The following FOXP2 variants were observed in gnomAD, a reference collection of about 807,000 sequenced individuals.
The protein encoded by FOXP2 is forkhead box protein P2.
In FOXP2, 12 loss-of-function variants were observed where a neutral mutation model predicts 115.8. That is an observed-to-expected ratio of 0.10 (90% CI 0.07 to 0.17). The LOEUF (loss-of-function observed/expected upper bound fraction) is 0.17. FOXP2 is among the 10% of genes least tolerant of loss of function. The pLI is 1.00. For synonymous variants in FOXP2, 328 were observed against 297.7 expected, an observed-to-expected ratio of 1.10 and a Z score of -1.05; for missense variants, 629 against 843.5, an observed-to-expected ratio of 0.75 and a Z score of 3.15.
chr7:114,189,270 G>T (rs554380561), intron 1 of FOXP2, among the ~76,000 whole-genome samples: 5 of 152,232 alleles, frequency 3.3e-5, no homozygotes, highest in Non-Finnish European at 7.4e-5. Flanking sequence ...AAAAATTTAT[G>T]ATGTGTATAG....
intron 2 of FOXP2, among the ~76,000 whole-genome samples, chr7:114,507,395 A>G (rs1036331297): frequency 1.3e-5 from 2 of 151,938 alleles, no homozygotes; most frequent in Non-Finnish European, 1.5e-5. Flanking sequence ...CCAGGATGCA[A>G]TTTCACTATT....
upstream of FOXP2, among the ~76,000 whole-genome samples, chr7:114,159,283 A>G (rs1333824963): frequency 1.3e-5 from 2 of 152,128 alleles, no homozygotes; most frequent in East Asian, 3.9e-4. Context: ...GAAGCAGAGA[A>G]GTTAAGCAAA....
chr7:114,639,861 G>A (rs1805427347), intron 6 of FOXP2, among the ~76,000 whole-genome samples: 3 of 152,148 alleles, frequency 2.0e-5, no homozygotes, highest in African/African-American at 7.2e-5. Context: ...TTCTGTTGTT[G>A]TTGTTGTTTT....
intron 2 of FOXP2, among the ~76,000 whole-genome samples, chr7:114,485,873 G>A (rs1242745276): frequency 6.6e-6 from 1 of 152,124 alleles, no homozygotes; most frequent in Non-Finnish European, 1.5e-5. Flanking sequence ...AAGCTAATAA[G>A]TGGTGGAGCT....
intron 1 of FOXP2, among the ~76,000 whole-genome samples, chr7:114,098,449 G>T (rs1207645595): frequency 6.6e-6 from 1 of 152,158 alleles, no homozygotes; most frequent in Non-Finnish European, 1.5e-5. Context: ...TTTTGGAAAG[G>T]ACACCAAGAG....
At chr7:114,624,816 TG>T (rs1804451804) in intron 3 of FOXP2, among the ~76,000 whole-genome samples, 1 of 151,590 alleles carries the variant, frequency 6.6e-6, no homozygotes, top group African/African-American at 2.4e-5. Context: ...AATGATGTGA[TG>T]GTTATATTTA....
At chr7:114,235,068 G>A (rs1794975441) in intron 1 of FOXP2, among the ~76,000 whole-genome samples, 1 of 151,446 alleles carries the variant, frequency 6.6e-6, no homozygotes, top group Non-Finnish European at 1.5e-5. Flanking sequence ...TGACGGGTGA[G>A]AAAGTATCCA....
At chr7:114,663,866 A>G (rs1416240251) in intron 15 of FOXP2, among the ~76,000 whole-genome samples, 1 of 152,098 alleles carries the variant, frequency 6.6e-6, no homozygotes, top group African/African-American at 2.4e-5. Context: ...TGTGGCAAAA[A>G]CTTTAAAGTT....
Position 114,577,730 on chromosome 7 carries a change from A to G in FOXP2, c.258+43024A>G, listed in dbSNP as rs1449990917. ...GATACAGAATTCTAGTTATAACGTT[A>G]TACTTCAGACTACATATGTTATATA... On this transcript the variant is annotated intron_variant, in intron 3 of 16. Coordinates refer to ENST00000350908, the MANE Select transcript of FOXP2 (RefSeq NM_014491.4). Among the ~76,000 whole-genome samples, 2 of 151,952 alleles carry G rather than the reference A, an allele frequency of 1.3e-5. 1 individual carries two copies. The highest frequency in any genetic ancestry group is 1.3e-4 in the Admixed American group (2 of 15,230).
At chr7:114,481,786 A>G (rs1312121992) in intron 2 of FOXP2, among the ~76,000 whole-genome samples, 1 of 150,536 alleles carries the variant, frequency 6.6e-6, no homozygotes, top group Non-Finnish European at 1.5e-5. Context: ...CTATCTATCT[A>G]TCTATCTATC....
intron 2 of FOXP2, among the ~76,000 whole-genome samples, chr7:114,449,712 G>A (rs1278560489): frequency 6.6e-6 from 1 of 151,898 alleles, no homozygotes; most frequent in African/African-American, 2.4e-5. Flanking sequence ...AGCTACCTAG[G>A]TTTAATTGGT....
chr7:114,450,869 T>G (rs1003298736), intron 2 of FOXP2, among the ~76,000 whole-genome samples: 1 of 152,098 alleles, frequency 6.6e-6, no homozygotes, highest in Non-Finnish European at 1.5e-5. Flanking sequence ...TATTAAATAA[T>G]TAAAATGTAT....
intron 2 of FOXP2, among the ~76,000 whole-genome samples, chr7:114,533,254 G>A (rs1346583762): frequency 6.6e-6 from 1 of 151,894 alleles, no homozygotes; most frequent in Non-Finnish European, 1.5e-5. Context: ...GTTTACTTTG[G>A]TTTCTATGTC....
intron 2 of FOXP2, chr7:114,463,004 A>G (rs1306123838): frequency 5.0e-6 from 2 of 402,284 alleles, no homozygotes; most frequent in African/African-American, 4.2e-5. Context: ...GATGCAGTAT[A>G]TGCATTGTTG....
chr7:114,629,545 T>C, intron 4 of FOXP2: 11 of 1,457,444 alleles, frequency 7.5e-6, no homozygotes, highest in Non-Finnish European at 1.0e-5. Flanking sequence ...AGTATTAATT[T>C]GGCTCTGACC....
chr7:114,477,696 A>G (rs1400537720), intron 2 of FOXP2, among the ~76,000 whole-genome samples: 1 of 151,950 alleles, frequency 6.6e-6, no homozygotes, highest in African/African-American at 2.4e-5. Flanking sequence ...ACATATATAT[A>G]TGAAAAAGAA....
chr7:114,221,448 A>C (rs1016649117), intron 1 of FOXP2, among the ~76,000 whole-genome samples: 1 of 152,200 alleles, frequency 6.6e-6, no homozygotes, highest in African/African-American at 2.4e-5. Flanking sequence ...TGGGTTTGCT[A>C]TACTTAGATC....
chr7:114,376,535 G>A (rs956932479), intron 2 of FOXP2, among the ~76,000 whole-genome samples: 35 of 152,144 alleles, frequency 2.3e-4, no homozygotes, highest in Non-Finnish European at 1.0e-4. Flanking sequence ...CACTGTTCTG[G>A]ACTCTAAATG....
intron 2 of FOXP2, among the ~76,000 whole-genome samples, chr7:114,390,290 A>G (rs1792561104): frequency 6.6e-6 from 1 of 152,106 alleles, no homozygotes; most frequent in African/African-American, 2.4e-5. Flanking sequence ...AAATGTCACT[A>G]TAAAACACCA....
Sources: allele counts gnomAD v4.1 joint callset (sites outside exome capture counted in the v4.1 genomes callset), GRCh38; gene constraint gnomAD v4.1.1; transcripts MANE v1.5; gene names NCBI Gene and HGNC (gene_info 2026-07-23, HGNC 2026-07-21).